Variants in MCM10 observed in about 807,000 individuals in gnomAD.
MCM10 encodes the protein protein MCM10 homolog.
Under a neutral mutation model 109.9 loss-of-function variants are expected in MCM10, and 91 were observed. The observed-to-expected ratio is 0.83, with a 90% CI of 0.70 to 0.99. MCM10 has a LOEUF of 0.99. Among genes scored for constraint, MCM10 ranks in the 50% least tolerant of loss-of-function variants. The pLI, the probability that MCM10 is intolerant of heterozygous loss-of-function variation, is 0.00. For missense variants in MCM10, 1,077 were observed against 1,061.2 expected, an observed-to-expected ratio of 1.01 and a Z score of -0.21; for synonymous variants, 380 against 387.2, an observed-to-expected ratio of 0.98 and a Z score of 0.22.
At chr10:13,195,298 T>G (rs1423954446) in intron 14 of MCM10, 29 bp downstream of exon 14, 1 of 1,530,932 alleles carries the variant, frequency 6.5e-7, no homozygotes, top group East Asian at 2.4e-5. Context: ...CTTTAGCACT[T>G]GAGTTTGCAT....
chr10:13,185,834 C>CA (rs1479756314), intron 8 of MCM10, among the ~76,000 whole-genome samples: 3 of 152,194 alleles, frequency 2.0e-5, no homozygotes, highest in Non-Finnish European at 2.9e-5. Flanking sequence ...GATCACAGCT[C>CA]ATTTCAGCCT....
chr10:13,174,784 G>A lies in MCM10; in HGVS notation c.593-726G>A, dbSNP rs188346158. On this transcript the variant is annotated intron_variant, in intron 5 of 19. Transcript: ENST00000378714. Reference sequence around the variant, plus strand: ...CTGTAAGTCCAAGAAATGGTCTTGTGGGGCATGCTTTGTTCCCAAGATTTG... The same window carrying A: ...CTGTAAGTCCAAGAAATGGTCTTGTAGGGCATGCTTTGTTCCCAAGATTTG... Among the ~76,000 whole-genome samples, 180 of 152,246 alleles carry A rather than the reference G, an allele frequency of 1.2e-3. 3 individuals carry two copies. The highest frequency in any genetic ancestry group is 3.1e-3 in the Admixed American group (47 of 15,280).
Position 13,189,961 on chromosome 10 carries a change from A to G in MCM10, c.1415+881A>G, listed in dbSNP as rs369147246. 9.8e-5 allele frequency among the ~76,000 whole-genome samples: 15 copies of G among 152,320 alleles called. No homozygotes were observed. In the South Asian group the frequency reaches 2.7e-3, roughly 27 times the overall value. ...ACATAAAATATATTAATGATAGCCT[A>G]TAAGCTTAAAAAAAGAAAGAAAAGA... On this transcript the variant is annotated intron_variant, in intron 10 of 19. Coordinates refer to ENST00000378714, the MANE Select transcript of MCM10 (RefSeq NM_018518.5).
chr10:13,204,266 G>A lies in MCM10; in HGVS notation c.2400G>A (p.Gln800=). 1 of 1,614,226 alleles carries A rather than the reference G, an allele frequency of 6.2e-7. No individual in the cohort carries two copies. Among genetic ancestry groups the A allele is most frequent in the Non-Finnish European group, 8.5e-7 (1 of 1,180,048 alleles). ...FKLLETCVSE[Q]HEYHWHDGVK... Reference sequence around the variant, plus strand: ...TGCTGGAGACCTGCGTCAGTGAGCAGCATGAATACCACTGGCATGATGGTG... The same window carrying A: ...TGCTGGAGACCTGCGTCAGTGAGCAACATGAATACCACTGGCATGATGGTG... The change falls in exon 18 of 20, where the codon CAG becomes CAA. Residue 800 remains glutamine, a synonymous_variant. Coordinates refer to ENST00000378714, the MANE Select transcript of MCM10 (RefSeq NM_018518.5).
At position 13,188,945 on chromosome 10, in the gene MCM10, C is replaced by A. The variant is rs150040889; in HGVS notation, c.1280C>A (p.Ala427Glu). ...TACAAGAAGCTCAGCGCAAAGCGTG[C>A]GGATCTGCAGTCCACCTTCTCTGGA... ...AQYKKLSAKR[A>E]DLQSTFSGGR... Residue 427 changes from alanine (A) to glutamate (E), a missense_variant, in exon 10 of 20, where the codon GCG (alanine) becomes GAG (glutamate). Physicochemically the swap from Ala to Glu is moderately radical, Grantham distance 107. Coordinates refer to ENST00000378714, the MANE Select transcript of MCM10 (RefSeq NM_018518.5). 1.2e-5 allele frequency: 20 copies of A among 1,614,196 alleles called. No individual in the cohort carries two copies. The highest frequency in any genetic ancestry group is 7.7e-5 in the South Asian group (7 of 91,088).
In MCM10 at chr10:13,204,337, T is replaced by C. The variant is rs375088387; in HGVS notation, c.2471T>C (p.Leu824Ser). 15 of 1,614,092 alleles carry C rather than the reference T, an allele frequency of 9.3e-6. No homozygotes were observed. In the African/African-American group the frequency reaches 1.3e-4, roughly 14 times the overall value. Reference protein sequence around the residue: ...KCPCGNRSISLDRLPNKHCSN... With the variant: ...KCPCGNRSISSDRLPNKHCSN... ...CCCTGTGGAAACAGAAGCATCTCCT[T>C]GGACAGACTCCCGAACAAGCACTGC... The change falls in exon 18 of 20, where the codon TTG becomes TCG. Residue 824 changes from leucine (L) to serine (S), a missense_variant. By Grantham distance (145) the Leu-to-Ser change is moderately radical. Transcript: ENST00000378714.
rs771678734 is a variant in MCM10 at position 13,171,159 on chromosome 10, A to G, written c.245A>G (p.Glu82Gly). The G allele has an allele frequency of 1.2e-6, 2 of 1,614,248 alleles. No individual in the cohort carries two copies. Among genetic ancestry groups the G allele is most frequent in the South Asian group, 1.1e-5 (1 of 91,080 alleles). Residue 82 changes from glutamate to glycine, a missense_variant, in exon 3 of 20, where the codon GAG (glutamate) becomes GGG (glycine). By Grantham distance (98) the Glu-to-Gly change is moderately conservative. Coordinates refer to ENST00000378714, the MANE Select transcript of MCM10 (RefSeq NM_018518.5). ...CTGGCCACTCTCTTTGGAGATATGG[A>G]GGACTTAACAGATGAAGAAGAAGTT... ...ENLATLFGDM[E>G]DLTDEEEVPA...
Position 13,195,021 on chromosome 10 carries a change from T to C in MCM10, c.1746-20T>C. ...TTTCGTAAACCCTGTTTGCGTATTT[T>C]GACTGTATGTTCTTTAAAGATTTCT... is the stretch of plus-strand genomic sequence containing the variant. On this transcript the variant is annotated intron_variant, in intron 13 of 19. Transcript: ENST00000378714. 1 of 1,601,622 alleles carries C rather than the reference T, an allele frequency of 6.2e-7. No homozygotes were observed. Among genetic ancestry groups the C allele is most frequent in the Middle Eastern group, 1.7e-4 (1 of 6,010 alleles).
intron 5 of MCM10, among the ~76,000 whole-genome samples, chr10:13,175,061 G>C (rs1050562807): frequency 2.6e-5 from 4 of 152,080 alleles, no homozygotes; most frequent in African/African-American, 9.7e-5. Flanking sequence ...CCTGGAGGCG[G>C]AGGTTGTGGT....
At chr10:13,166,647 AAAATACATAC>A (rs1204088392) in intron 2 of MCM10, among the ~76,000 whole-genome samples, 69 of 66,580 alleles carry the variant, frequency 1.0e-3, no homozygotes, top group African/African-American at 3.9e-3. Flanking sequence ...AAAAAAAAAA[AAAATACATAC>A]ATACATATAT....
chr10:13,161,956 T>C (rs1179490720), intron 1 of MCM10, among the ~76,000 whole-genome samples: 1 of 152,270 alleles, frequency 6.6e-6, no homozygotes, highest in Non-Finnish European at 1.5e-5. Context: ...GATTATTGAA[T>C]GCGGACGGTG....
rs770586928 is a variant in MCM10, at chr10:13,201,454, C to T, written c.2272C>T (p.Pro758Ser). The change falls in exon 17 of 20, where the codon CCA (proline) becomes TCA (serine). Residue 758 changes from proline (P) to serine (S), a missense_variant. Pro to Ser is a moderately conservative substitution (Grantham distance 74). Transcript: ENST00000378714. Reference protein sequence around the residue: ...EAEMQERYFEPLVKKEQMEEK... With the variant: ...EAEMQERYFESLVKKEQMEEK... ...TGAGATGCAGGAGCGCTACTTTGAG[C>T]CACTGGTGAAAAAAGAACAAATGGA... 1.2e-6 allele frequency: 2 copies of T among 1,613,060 alleles called. No homozygotes were observed. The highest frequency in any genetic ancestry group is 1.1e-5 in the South Asian group (1 of 90,836).
intron 8 of MCM10, among the ~76,000 whole-genome samples, chr10:13,185,953 G>C (rs898622551): frequency 6.6e-6 from 1 of 152,106 alleles, no homozygotes; most frequent in Non-Finnish European, 1.5e-5. Flanking sequence ...GTAGAGACAG[G>C]GTTTTGCCAC....
chr10:13,194,264 G>A (rs545133125), intron 13 of MCM10, among the ~76,000 whole-genome samples: 1 of 152,326 alleles, frequency 6.6e-6, no homozygotes, highest in Non-Finnish European at 1.5e-5. Context: ...TCGGGAGGCT[G>A]AGGTGGGAGG....
intron 17 of MCM10, 40 bp downstream of exon 17, chr10:13,201,574 T>C (rs933079528): frequency 2.8e-6 from 4 of 1,437,850 alleles, no homozygotes; most frequent in Non-Finnish European, 2.9e-6. Flanking sequence ...ATGGGCCCTG[T>C]GTGGTGCTTT....
chr10:13,192,658 A>T lies in MCM10; in HGVS notation c.1745+90A>T, dbSNP rs1834364572. The T allele has an allele frequency of 8.2e-6, 10 of 1,215,928 alleles. No homozygotes were observed. In the South Asian group the frequency reaches 1.3e-4, roughly 16 times the overall value. 75.3% of individuals were successfully genotyped at this position (1,215,928 alleles called of 1,614,324 possible). On this transcript the variant is annotated intron_variant, in intron 13 of 19. Transcript: ENST00000378714. ...TCATCGATTTCCAGAATGTGACTTC[A>T]GGTTTCGGTTGGCTGCGTTTTAACT...
intron 1 of MCM10, among the ~76,000 whole-genome samples, chr10:13,163,054 G>A (rs1290530688): frequency 6.6e-6 from 1 of 151,592 alleles, no homozygotes; most frequent in African/African-American, 2.4e-5. Context: ...ACTCCAGCCT[G>A]GGTGACAGAG....
intron 2 of MCM10, among the ~76,000 whole-genome samples, chr10:13,167,254 A>C (rs1588464511): frequency 6.6e-6 from 1 of 152,212 alleles, no homozygotes; most frequent in African/African-American, 2.4e-5. Flanking sequence ...ATGGTGTTGA[A>C]CATGGATCCA....
chr10:13,171,985 T>C (rs1371644988), intron 3 of MCM10, among the ~76,000 whole-genome samples: 1 of 151,988 alleles, frequency 6.6e-6, no homozygotes, highest in African/African-American at 2.4e-5. Flanking sequence ...ATGTTGCCCA[T>C]GCTGGTCTCG....
Sources: allele counts gnomAD v4.1 joint callset (sites outside exome capture counted in the v4.1 genomes callset), GRCh38; gene constraint gnomAD v4.1.1; transcripts MANE v1.5; gene names NCBI Gene and HGNC (gene_info 2026-07-23, HGNC 2026-07-21).